The following SYNPO variants were observed in gnomAD, a reference collection of about 807,000 sequenced individuals.
SYNPO encodes the protein synaptopodin.
SYNPO carries 19 observed loss-of-function variants against 49.5 expected under a neutral mutation model. The ratio of observed to expected loss-of-function variants is 0.38; its 90% CI spans 0.27 to 0.56. SYNPO has a LOEUF of 0.56. Among genes scored for constraint, SYNPO ranks in the 20% least tolerant of loss-of-function variants. The pLI, the probability that SYNPO is intolerant of heterozygous loss-of-function variation, is 0.68. For missense variants in SYNPO, 1,131 were observed against 1,248.3 expected (o/e 0.91, Z 1.42); for synonymous variants, 536 against 548.0 (o/e 0.98, Z 0.31).
chr5:150,618,239 C>A, exon 2 of SYNPO: 2 of 1,212,038 alleles, frequency 1.7e-6, no homozygotes, highest in Non-Finnish European at 2.2e-6. Flanking sequence ...CGGAGGAAGG[C>A]AAAAGTGCAG....
At chr5:150,599,577 T>C (rs1245193743), upstream of SYNPO, among the ~76,000 whole-genome samples, 1 of 152,130 alleles carries the variant, frequency 6.6e-6, no homozygotes, top group Non-Finnish European at 1.5e-5. Context: ...CATCTAAACC[T>C]CTCTGAGCCT....
chr5:150,628,034 T>TTG (rs1438543750), intron 2 of SYNPO, among the ~76,000 whole-genome samples: 2 of 106,948 alleles, frequency 1.9e-5, no homozygotes, highest in Non-Finnish European at 4.0e-5. Flanking sequence ...GTGTGTGTGT[T>TTG]TCTGTGTGTG....
chr5:150,622,776 T>TC (rs1167418993), intron 2 of SYNPO, among the ~76,000 whole-genome samples: 1 of 152,144 alleles, frequency 6.6e-6, no homozygotes, highest in African/African-American at 2.4e-5. Flanking sequence ...AGCTGCCTAC[T>TC]CCCCCTCCAC....
At chr5:150,601,290 C>T (rs948909109) in intron 1 of SYNPO, 8 of 152,338 alleles carry the variant, frequency 5.3e-5, no homozygotes, top group Non-Finnish European at 1.0e-4. Flanking sequence ...GGAGGTGGCC[C>T]TTCTTGCGGG....
intron 2 of SYNPO, chr5:150,651,009 G>A: frequency 1.6e-6 from 2 of 1,233,254 alleles, no homozygotes; most frequent in South Asian, 8.2e-5. Context: ...TGCCCCCTCT[G>A]AGGCCTGGCT....
At chr5:150,652,438 T>G in intron 2 of SYNPO, 1 of 981,290 alleles carries the variant, frequency 1.0e-6, no homozygotes, top group Non-Finnish European at 1.2e-6. Context: ...GCTCAATTAC[T>G]GTGTGTGAAA....
At chr5:150,586,633 T>C in the SYNPO span, among the ~76,000 whole-genome samples, 11 of 151,696 alleles carry the variant, frequency 7.3e-5, no homozygotes, top group Non-Finnish European at 1.5e-4. Flanking sequence ...AGAACTTTGG[T>C]TTGTTATTAT....
chr5:150,624,292 G>C (rs1191263619), intron 2 of SYNPO, among the ~76,000 whole-genome samples: 1 of 152,200 alleles, frequency 6.6e-6, no homozygotes, highest in Non-Finnish European at 1.5e-5. Context: ...GAGCACCCAG[G>C]TCTGAAAGGA....
At chr5:150,627,061 G>A (rs1222857699) in intron 2 of SYNPO, among the ~76,000 whole-genome samples, 3 of 152,208 alleles carry the variant, frequency 2.0e-5, no homozygotes, top group African/African-American at 7.2e-5. Context: ...CCTCCCACAA[G>A]GCTGAGCACA....
chr5:150,652,045 G>A (rs1000298214), intron 2 of SYNPO: 8 of 1,000,494 alleles, frequency 8.0e-6, no homozygotes, highest in Non-Finnish European at 8.4e-6. Flanking sequence ...GGCTGAGCCT[G>A]CAGTTTTTGT....
chr5:150,593,428 T>C, the SYNPO span, among the ~76,000 whole-genome samples: 1 of 152,224 alleles, frequency 6.6e-6, no homozygotes, highest in African/African-American at 2.4e-5. Context: ...GAGCCTTGGC[T>C]CTATTTTATA....
At chr5:150,631,635 G>A (rs1431623650) in intron 2 of SYNPO, among the ~76,000 whole-genome samples, 12 of 152,110 alleles carry the variant, frequency 7.9e-5, no homozygotes, top group Admixed American at 7.9e-4. Flanking sequence ...GAGCATGCTG[G>A]TGCTGATCTA....
upstream of SYNPO, among the ~76,000 whole-genome samples, chr5:150,599,191 T>G (rs1756477246): frequency 6.6e-6 from 1 of 152,200 alleles, no homozygotes; most frequent in South Asian, 2.1e-4. Flanking sequence ...CCCTCTCACA[T>G]CCTTTAATAT....
At chr5:150,651,418 G>T (rs1205216486) in intron 2 of SYNPO, 2 of 1,000,372 alleles carry the variant, frequency 2.0e-6, no homozygotes, top group Non-Finnish European at 2.4e-6. Flanking sequence ...AGGATTGAGA[G>T]GATAGGCTGG....
At chr5:150,650,753 G>GC (rs1192491219) in intron 2 of SYNPO, 1 of 1,293,894 alleles carries the variant, frequency 7.7e-7, no homozygotes, top group African/African-American at 1.5e-5. Flanking sequence ...GAGTCAGCCA[G>GC]CCGAGGGTCT....
Position 150,658,433 on chromosome 5 carries a change from T to C in SYNPO, c.*1346T>C, listed in dbSNP as rs896670942. On this transcript the variant is annotated 3_prime_UTR_variant, in exon 3 of 3. Coordinates refer to ENST00000307662, the MANE Select transcript of SYNPO (RefSeq NM_007286.6). ...GCACTCTGACCTAGCTAGTGCCTGGTGCCCAGTGACCTGGGGGAGCCTGGC... is the reference window on the plus strand; with the variant it reads ...GCACTCTGACCTAGCTAGTGCCTGGCGCCCAGTGACCTGGGGGAGCCTGGC... 5.3e-5 allele frequency: 8 copies of C among 152,356 alleles called. No homozygotes were observed. Among genetic ancestry groups the C allele is most frequent in the African/African-American group, 1.9e-4 (8 of 41,424 alleles). 9.4% of individuals were successfully genotyped at this position (152,356 alleles called of 1,614,324 possible). A position where few individuals can be genotyped will look rare whatever the true frequency, so the allele number is the denominator to read the frequency against.
At chr5:150,651,361 T>C (rs1307674902) in intron 2 of SYNPO, 1 of 1,000,356 alleles carries the variant, frequency 1.0e-6, no homozygotes, top group Admixed American at 6.1e-5. Context: ...TGGGCCTCAG[T>C]TTTATCATTT....
chr5:150,590,601 C>A, the SYNPO span, among the ~76,000 whole-genome samples: 1 of 152,204 alleles, frequency 6.6e-6, no homozygotes, highest in Non-Finnish European at 1.5e-5. Context: ...CTGAGGGTGG[C>A]GCTTGTGTGG....
intron 1 of SYNPO, among the ~76,000 whole-genome samples, chr5:150,642,239 C>T (rs1757935308): frequency 6.6e-6 from 1 of 152,342 alleles, no homozygotes; most frequent in Non-Finnish European, 1.5e-5. Flanking sequence ...GCCTACTCCC[C>T]CACTTCAGGA....
Sources: gnomAD v4.1 joint callset for allele counts (sites outside exome capture counted in the v4.1 genomes callset) on GRCh38, gnomAD v4.1.1 for gene constraint, MANE v1.5 for transcripts, NCBI Gene and HGNC (gene_info 2026-07-23, HGNC 2026-07-21) for gene names.